The following EVI5L variants were observed in gnomAD, a reference collection of about 807,000 sequenced individuals.
EVI5L encodes ecotropic viral integration site 5 like.
A neutral mutation model predicts 106.1 loss-of-function variants in EVI5L; 30 were observed. The ratio of observed to expected loss-of-function variants is 0.28; its 90% confidence interval spans 0.21 to 0.38. The LOEUF is 0.38. EVI5L is among the 10% of genes least tolerant of loss of function. EVI5L has a pLI of 1.00. For missense variants in EVI5L, 809 were observed against 1,098.0 expected (o/e 0.74, Z 3.72); for synonymous variants, 489 against 483.3 (o/e 1.01, Z -0.15).
At chr19:7,838,157 G>A (rs943619877) in intron 1 of EVI5L, among the ~76,000 whole-genome samples, 8 of 151,268 alleles carry the variant, frequency 5.3e-5, no homozygotes, top group Non-Finnish European at 7.4e-5. Flanking sequence ...CACCCAGGCT[G>A]GAGTGCAGTC....
At chr19:7,833,740 C>T (rs1006779000) in intron 1 of EVI5L, among the ~76,000 whole-genome samples, 19 of 152,304 alleles carry the variant, frequency 1.2e-4, no homozygotes, top group African/African-American at 4.6e-4. Flanking sequence ...GCCATCTGTA[C>T]ACTTGGCACA....
chr19:7,851,708 C>A lies in EVI5L; in HGVS notation c.925C>A (p.Leu309Ile). 6.4e-7 allele frequency: 1 copy of A among 1,562,644 alleles called. No individual in the cohort carries two copies. Among genetic ancestry groups the A allele is most frequent in the Non-Finnish European group, 8.6e-7 (1 of 1,158,036 alleles). The part of the protein sequence containing the change: ...EGLEIVFRVG[L>I]ALLQVNQAEL... ...GCTGGAGATCGTGTTCCGAGTGGGC[C>A]TCGCCCTGCTGCAGGTGAACCAGGC... Residue 309 changes from leucine (L) to isoleucine (I), a missense_variant, in exon 8 of 20, where the codon CTC becomes ATC. Transcript: ENST00000538904.
chr19:7,845,755 G>A lies in EVI5L; in HGVS notation c.-47-741G>A, dbSNP rs909401589. ...TGTCCTTGAAGCCCCCAGAAGGGTC[G>A]GGCCAGATGACACGGCAAAAAGATA... On this transcript the variant is annotated intron_variant, in intron 1 of 19. Coordinates refer to ENST00000538904, the MANE Select transcript of EVI5L (RefSeq NM_001159944.3). The surrounding 1 kb of genome is among the most constrained non-coding windows in gnomAD (Gnocchi z 4.0). Among the ~76,000 whole-genome samples, 1 of 152,192 alleles carries A rather than the reference G, an allele frequency of 6.6e-6. No individual in the cohort carries two copies. Among genetic ancestry groups the A allele is most frequent in the African/African-American group, 2.4e-5 (1 of 41,452 alleles).
At position 7,857,950 on chromosome 19, in the gene EVI5L, TTCCAAGC is replaced by T. The variant is rs1446133758; in HGVS notation, c.1234-240_1234-234del. ...CCAGAGTGGGGAAGGAGATGGAGCT[TTCCAAGC>T]CCAGGGCTAGCTCTGTTCCTCCCGG... On this transcript the variant is annotated intron_variant, in intron 12 of 19. Coordinates refer to ENST00000538904, the MANE Select transcript of EVI5L (RefSeq NM_001159944.3). The surrounding 1 kb of genome is among the most constrained non-coding windows in gnomAD (Gnocchi z 4.5). 3.9e-6 allele frequency: 2 copies of T among 512,884 alleles called. No individual in the cohort carries two copies. Among genetic ancestry groups the T allele is most frequent in the African/African-American group, 3.9e-5 (2 of 51,168 alleles). 31.8% of individuals were successfully genotyped at this position (512,884 alleles called of 1,614,324 possible).
At position 7,858,165 on chromosome 19, in the gene EVI5L, C is replaced by A; in HGVS notation, c.1234-26C>A. 1 of 1,548,372 alleles carries A rather than the reference C, an allele frequency of 6.5e-7. No homozygotes were observed. Among genetic ancestry groups the A allele is most frequent in the Middle Eastern group, 1.9e-4 (1 of 5,246 alleles). On this transcript the variant is annotated intron_variant, in intron 12 of 19. Coordinates refer to ENST00000538904, the MANE Select transcript of EVI5L (RefSeq NM_001159944.3). This position sits in a 1 kb window ranked among gnomAD's most constrained non-coding sequence, Gnocchi z 5.7. ...GGGAGCCGAGGGTCACGGCCTCCCC[C>A]TGCCCCCTGTCCTCGCTGTTCTCAG... is the stretch of plus-strand genomic sequence containing the variant.
At chr19:7,855,979 G>A in intron 10 of EVI5L, 36 bp from the exon 11 acceptor site, 1 of 1,321,882 alleles carries the variant, frequency 7.6e-7, no homozygotes, top group Non-Finnish European at 9.7e-7. Context: ...AGGCGTGGGG[G>A]GCGGGCTATG....
intron 1 of EVI5L, among the ~76,000 whole-genome samples, chr19:7,837,673 G>A (rs983099592): frequency 5.9e-5 from 9 of 151,992 alleles, no homozygotes; most frequent in Non-Finnish European, 1.3e-4. Flanking sequence ...TGACCTTGAC[G>A]TTTTTGTTTG....
chr19:7,851,465 G>A lies in EVI5L; in HGVS notation c.785G>A (p.Arg262His), dbSNP rs778590587. Residue 262 changes from arginine (R) to histidine (H), a missense_variant, in exon 7 of 20, where the codon CGT becomes CAT. Around this residue, in one of 2 missense-constraint regions of EVI5L, gnomAD observed 357 missense variants for 588.1 expected, o/e 0.61. Coordinates refer to ENST00000538904, the MANE Select transcript of EVI5L (RefSeq NM_001159944.3). ...EQLPDLNTHF[R>H]SQSFHTSMYA... ...CTCCCAGACCTCAACACCCACTTCC[G>A]TTCCCAAAGCTTCCACACATCCATG... is the stretch of plus-strand genomic sequence containing the variant. 2.5e-5 allele frequency: 41 copies of A among 1,612,744 alleles called. No homozygotes were observed. The highest frequency in any genetic ancestry group is 1.6e-4 in the Middle Eastern group (1 of 6,080).
intron 1 of EVI5L, among the ~76,000 whole-genome samples, chr19:7,846,009 A>C (rs1295209522): frequency 6.6e-6 from 1 of 152,192 alleles, no homozygotes; most frequent in Non-Finnish European, 1.5e-5. Context: ...ACTTTGGTTG[A>C]TGAGATGGGG....
chr19:7,836,929 A>C (rs1978367015), intron 1 of EVI5L, among the ~76,000 whole-genome samples: 1 of 150,994 alleles, frequency 6.6e-6, no homozygotes, highest in African/African-American at 2.4e-5. Context: ...CACCGCACCC[A>C]GCCTTTATTA....
chr19:7,854,719 A>G (rs983299726), intron 10 of EVI5L, among the ~76,000 whole-genome samples: 1 of 152,174 alleles, frequency 6.6e-6, no homozygotes, highest in African/African-American at 2.4e-5. Flanking sequence ...GGGGCCAGGG[A>G]TCAGGGCTCC....
chr19:7,834,685 C>G (rs1016038272), intron 1 of EVI5L, among the ~76,000 whole-genome samples: 4 of 152,310 alleles, frequency 2.6e-5, no homozygotes, highest in Non-Finnish European at 5.9e-5. Flanking sequence ...ACAGCCCCAG[C>G]CCCTGCCCTA....
At chr19:7,833,559 G>C (rs1978304781) in intron 1 of EVI5L, among the ~76,000 whole-genome samples, 1 of 152,224 alleles carries the variant, frequency 6.6e-6, no homozygotes, top group East Asian at 1.9e-4. Context: ...GGCACAGCAG[G>C]GATGACGTAT....
At chr19:7,862,942 C>T in intron 17 of EVI5L, 30 bp from the exon 18 acceptor site, 1 of 1,454,394 alleles carries the variant, frequency 6.9e-7, no homozygotes. Flanking sequence ...CCTGACCCGC[C>T]CTCCTTTCCC....
chr19:7,856,250 C>T lies in EVI5L; in HGVS notation c.1200+182C>T, dbSNP rs369971979. ...ATTTGGAGTGCCCTGCAACTGGGGG[C>T]GACTCGTATGGTGATTAATCCTGGA... is the stretch of plus-strand genomic sequence containing the variant. On this transcript the variant is annotated intron_variant, in intron 11 of 19. Coordinates refer to ENST00000538904, the MANE Select transcript of EVI5L (RefSeq NM_001159944.3). The surrounding 1 kb of genome is among the most constrained non-coding windows in gnomAD (Gnocchi z 6.6). Among the ~76,000 whole-genome samples the T allele has an allele frequency of 2.0e-5, 3 of 152,192 alleles. No homozygotes were observed. The highest frequency in any genetic ancestry group is 3.9e-4 in the East Asian group (2 of 5,162).
rs1292287801 is a variant in EVI5L, at chr19:7,861,896, G to A, written c.1522G>A (p.Asp508Asn). 2.6e-6 allele frequency: 4 copies of A among 1,550,946 alleles called. No homozygotes were observed. The highest frequency in any genetic ancestry group is 2.6e-6 in the Non-Finnish European group (3 of 1,147,450). Residue 508 changes from aspartate to asparagine, a missense_variant, in exon 15 of 20, where the codon GAC (aspartate) becomes AAC (asparagine). Asp to Asn is a conservative substitution (Grantham distance 23). Around this residue, in one of 2 missense-constraint regions of EVI5L, gnomAD observed 452 missense variants for 509.9 expected, o/e 0.89. Transcript: ENST00000538904. Reference sequence around the variant, plus strand: ...CCCGCAGAGGAACAGCTCGCTGCCCGACGAGAACAATGTGGCGCAGCTGCA... The same window carrying A: ...CCCGCAGAGGAACAGCTCGCTGCCCAACGAGAACAATGTGGCGCAGCTGCA... ...DMEKRNSSLP[D>N]ENNVAQLQEE...
chr19:7,863,903 T>C lies in EVI5L; in HGVS notation c.*201T>C. The C allele has an allele frequency of 4.7e-6, 3 of 643,086 alleles. No homozygotes were observed. Among genetic ancestry groups the C allele is most frequent in the Non-Finnish European group, 5.0e-6 (2 of 403,332 alleles). 39.8% of individuals were successfully genotyped at this position (643,086 alleles called of 1,614,324 possible). On this transcript the variant is annotated 3_prime_UTR_variant, in exon 20 of 20. Coordinates refer to ENST00000538904, the MANE Select transcript of EVI5L (RefSeq NM_001159944.3). The surrounding 1 kb of genome is among the most constrained non-coding windows in gnomAD (Gnocchi z 7.7). The stretch of plus-strand genomic sequence containing the variant: ...TCAGGGCCCCGGGGCAGGCTCTCTA[T>C]CCCCAGCAGTGTTTACCCATCTTGG...
intron 1 of EVI5L, among the ~76,000 whole-genome samples, chr19:7,844,583 G>A (rs1053173265): frequency 2.0e-5 from 3 of 152,112 alleles, no homozygotes; most frequent in African/African-American, 4.8e-5. Context: ...CACAGCCCCC[G>A]TCTCTGTCCG....
chr19:7,852,240 G>A (rs1321649468), intron 8 of EVI5L, among the ~76,000 whole-genome samples: 2 of 152,200 alleles, frequency 1.3e-5, no homozygotes, highest in African/African-American at 4.8e-5. Context: ...GCCTCCCACC[G>A]CTACTTCTCT....
Sources: allele counts gnomAD v4.1 joint callset (sites outside exome capture counted in the v4.1 genomes callset), GRCh38; gene constraint gnomAD v4.1.1; regional missense constraint gnomAD v4.1.1; non-coding constraint Gnocchi (gnomAD v3.1); transcripts MANE v1.5; gene names NCBI Gene and HGNC (gene_info 2026-07-23, HGNC 2026-07-21).